Variants in NDUFAF2 observed in about 807,000 individuals in gnomAD.
NDUFAF2 encodes the protein NADH:ubiquinone oxidoreductase complex assembly factor 2.
Under a neutral mutation model 22.8 loss-of-function variants are expected in NDUFAF2, and 13 were observed. The observed-to-expected ratio is 0.57, with a 90% CI of 0.37 to 0.91. The LOEUF is 0.91. NDUFAF2 is among the 40% of genes least tolerant of loss of function. The pLI, the probability that NDUFAF2 is intolerant of heterozygous loss-of-function variation, is 0.01. For missense variants in NDUFAF2, 162 were observed against 195.2 expected, an observed-to-expected ratio of 0.83 and a Z score of 1.01; for synonymous variants, 53 against 64.2, an observed-to-expected ratio of 0.83 and a Z score of 0.84.
chr5:60,953,774 A>G (rs2112563918), intron 1 of NDUFAF2, among the ~76,000 whole-genome samples: 1 of 152,286 alleles, frequency 6.6e-6, no homozygotes, highest in South Asian at 2.1e-4. Context: ...AAATGTTTTT[A>G]ATGTAACCTA....
chr5:61,119,051 T>C (rs1752946193), intron 3 of NDUFAF2, among the ~76,000 whole-genome samples: 1 of 152,160 alleles, frequency 6.6e-6, no homozygotes, highest in Non-Finnish European at 1.5e-5. Context: ...ATTACATATT[T>C]TAAAAGAACA....
Position 60,949,037 on chromosome 5 carries a change from A to G in NDUFAF2, c.127+3655A>G, listed in dbSNP as rs138949343. 3.5e-3 allele frequency among the ~76,000 whole-genome samples: 526 copies of G among 151,998 alleles called. 5 individuals carry two copies. Among genetic ancestry groups the G allele is most frequent in the African/African-American group, 0.012 (510 of 41,460 alleles). ...TTTCTTTAGTTTTCTGTTTGCTATT[A>G]GTTGGTTTTTTTAGATTCTATTTTT... On this transcript the variant is annotated intron_variant, in intron 1 of 3. Transcript: ENST00000296597.
At chr5:60,982,288 C>T (rs1000834318) in intron 1 of NDUFAF2, among the ~76,000 whole-genome samples, 4 of 152,044 alleles carry the variant, frequency 2.6e-5, no homozygotes, top group Non-Finnish European at 4.4e-5. Context: ...GCTGCAGAGG[C>T]CTCACAATCA....
intron 3 of NDUFAF2, among the ~76,000 whole-genome samples, chr5:61,149,158 A>T (rs911439022): frequency 6.6e-6 from 1 of 152,102 alleles, no homozygotes; most frequent in African/African-American, 2.4e-5. Context: ...TTTAGTAGAG[A>T]CAGGGTTTTG....
At chr5:61,147,437 C>CTTTTTTTTTT (rs1240336890) in intron 3 of NDUFAF2, among the ~76,000 whole-genome samples, 1,140 of 84,614 alleles carry the variant, frequency 0.013, 83 homozygotes, top group African/African-American at 0.045. Context: ...TTTTTTCTTT[C>CTTTTTTTTTT]TTTTTTTTTT....
intron 1 of NDUFAF2, among the ~76,000 whole-genome samples, chr5:60,945,957 A>G (rs1445711300): frequency 6.6e-6 from 1 of 152,062 alleles, no homozygotes; most frequent in Admixed American, 6.6e-5. Context: ...GACTTGTCAG[A>G]AGTAGGTCCA....
chr5:61,078,897 C>G (rs897296901), intron 2 of NDUFAF2, among the ~76,000 whole-genome samples: 1 of 152,152 alleles, frequency 6.6e-6, no homozygotes, highest in African/African-American at 2.4e-5. Flanking sequence ...TCATATTTGT[C>G]TCTCTATAAT....
chr5:60,965,924 G>GT (rs1580070619), intron 1 of NDUFAF2, among the ~76,000 whole-genome samples: 1 of 152,002 alleles, frequency 6.6e-6, no homozygotes, highest in East Asian at 1.9e-4. Flanking sequence ...TCTATTTTTA[G>GT]TTTTTTGAGA....
intron 1 of NDUFAF2, among the ~76,000 whole-genome samples, chr5:61,036,699 G>A (rs1475035817): frequency 2.0e-5 from 3 of 152,172 alleles, no homozygotes; most frequent in Non-Finnish European, 4.4e-5. Context: ...TTCCAGTGCT[G>A]AAACAGTGAG....
At chr5:60,954,136 A>C (rs533781522) in intron 1 of NDUFAF2, among the ~76,000 whole-genome samples, 13 of 152,274 alleles carry the variant, frequency 8.5e-5, no homozygotes, top group African/African-American at 3.1e-4. Flanking sequence ...ACAGGTCACC[A>C]TGATACCCAT....
intron 2 of NDUFAF2, among the ~76,000 whole-genome samples, chr5:61,091,541 G>A (rs1301305730): frequency 2.6e-5 from 4 of 152,028 alleles, no homozygotes; most frequent in Non-Finnish European, 1.5e-5. Context: ...TTGTAAATTT[G>A]TTTAAGTTTC....
At chr5:61,075,861 A>G (rs1002296210) in intron 2 of NDUFAF2, among the ~76,000 whole-genome samples, 1 of 152,214 alleles carries the variant, frequency 6.6e-6, no homozygotes, top group Non-Finnish European at 1.5e-5. Context: ...TGCAAGTTGC[A>G]TATTCTCCCA....
intron 1 of NDUFAF2, among the ~76,000 whole-genome samples, chr5:60,997,992 T>C (rs1255739066): frequency 2.0e-5 from 3 of 152,198 alleles, no homozygotes; most frequent in African/African-American, 7.2e-5. Context: ...TACCAACCTA[T>C]GTCTTTTCTT....
At chr5:61,148,456 A>T (rs1741172540) in intron 3 of NDUFAF2, among the ~76,000 whole-genome samples, 1 of 152,210 alleles carries the variant, frequency 6.6e-6, no homozygotes, top group Admixed American at 6.5e-5. Context: ...TCAGAGAGAG[A>T]TGTGTACAAG....
intron 3 of NDUFAF2, among the ~76,000 whole-genome samples, chr5:61,145,295 A>G (rs898658991): frequency 3.3e-5 from 5 of 152,210 alleles, no homozygotes; most frequent in African/African-American, 1.2e-4. Context: ...TGAATAGTGC[A>G]CTATAAATAA....
intron 1 of NDUFAF2, among the ~76,000 whole-genome samples, chr5:61,040,762 TAGAGAG>T (rs141228512): frequency 0.013 from 2,007 of 152,226 alleles, 49 homozygotes; most frequent in African/African-American, 0.046. Context: ...GTATGCATAT[TAGAGAG>T]AGACTGGAGT....
intron 1 of NDUFAF2, among the ~76,000 whole-genome samples, chr5:61,049,688 C>CT (rs777136140): frequency 7.2e-5 from 11 of 151,902 alleles, no homozygotes; most frequent in Non-Finnish European, 1.0e-4. Flanking sequence ...TAGTATTTGT[C>CT]TTTTTTGTGT....
At position 60,953,965 on chromosome 5, in the gene NDUFAF2, C is replaced by G. The variant is rs139884522; in HGVS notation, c.127+8583C>G. On this transcript the variant is annotated intron_variant, in intron 1 of 3. Coordinates refer to ENST00000296597, the MANE Select transcript of NDUFAF2 (RefSeq NM_174889.5). Reference sequence around the variant, plus strand: ...CAACAACCAAAGGAATTTCTCCTTTCCATGCAAATGAGGAACACATAGACA... The same window carrying G: ...CAACAACCAAAGGAATTTCTCCTTTGCATGCAAATGAGGAACACATAGACA... Among the ~76,000 whole-genome samples the G allele has an allele frequency of 3.3e-5, 5 of 152,162 alleles. No homozygotes were observed. In the East Asian group the frequency reaches 7.7e-4, roughly 24 times the overall value.
chr5:60,990,448 A>T (rs1751143387), intron 1 of NDUFAF2, among the ~76,000 whole-genome samples: 1 of 152,126 alleles, frequency 6.6e-6, no homozygotes. Context: ...TTAAAAAGTG[A>T]AATTATGAGC....
Sources: gnomAD v4.1 joint callset for allele counts (sites outside exome capture counted in the v4.1 genomes callset) on GRCh38, gnomAD v4.1.1 for gene constraint, MANE v1.5 for transcripts, NCBI Gene and HGNC (gene_info 2026-07-23, HGNC 2026-07-21) for gene names.